SLC22A25: variants seen among roughly 807,000 people sequenced by gnomAD.
SLC22A25 encodes solute carrier family 22 member 25.
SLC22A25 carries 44 observed loss-of-function variants against 45.9 expected under a neutral mutation model. The observed-to-expected ratio is 0.96, with a 90% CI of 0.75 to 1.23. The LOEUF (loss-of-function observed/expected upper bound fraction) is 1.23. SLC22A25 is among the 50% of genes most tolerant of loss of function. The pLI, the probability that SLC22A25 is intolerant of heterozygous loss-of-function variation, is 0.00. For missense variants in SLC22A25, 800 were observed against 666.4 expected (o/e 1.20, Z -2.21); for synonymous variants, 283 against 238.6 (o/e 1.19, Z -1.72).
chr11:63,199,927 G>A (rs535920155), intron 7 of SLC22A25, among the ~76,000 whole-genome samples: 1 of 152,058 alleles, frequency 6.6e-6, no homozygotes, highest in Non-Finnish European at 1.5e-5. Context: ...ACCCAATCTT[G>A]CAAGATCACC....
intron 7 of SLC22A25, among the ~76,000 whole-genome samples, chr11:63,194,061 T>A (rs1205078194): frequency 6.6e-6 from 1 of 152,042 alleles, no homozygotes; most frequent in African/African-American, 2.4e-5. Context: ...AGAAAGGGTA[T>A]CAGTGATTGA....
intron 10 of SLC22A25, among the ~76,000 whole-genome samples, chr11:63,165,630 C>T (rs187916721): frequency 6.6e-6 from 1 of 152,246 alleles, no homozygotes; most frequent in African/African-American, 2.4e-5. Flanking sequence ...AGTACTTTGT[C>T]ACAGAAGCTG....
intron 7 of SLC22A25, among the ~76,000 whole-genome samples, chr11:63,215,347 C>T (rs999786789): frequency 6.6e-6 from 1 of 152,134 alleles, no homozygotes; most frequent in African/African-American, 2.4e-5. Flanking sequence ...AAACCAAACA[C>T]CACATATTCT....
rs539275838 is a variant in SLC22A25 at position 63,236,055 on chromosome 11, TG to T, written c.-445+1825del. ...GTGTGAGGTGTCAGTCCACCCCTAA[TG>T]GGGGGTGCCTCCCAGTTAGGCTACT... On this transcript the variant is annotated intron_variant, in intron 3 of 11. Coordinates refer to ENST00000306494, the MANE Select transcript of SLC22A25 (RefSeq NM_199352.6). Among the ~76,000 whole-genome samples the T allele has an allele frequency of 3.7e-3, 571 of 152,268 alleles. 1 individual carries two copies. The highest frequency in any genetic ancestry group is 0.013 in the African/African-American group (548 of 41,546).
chr11:63,189,365 T>C (rs1018053820), intron 7 of SLC22A25, among the ~76,000 whole-genome samples: 1 of 152,034 alleles, frequency 6.6e-6, no homozygotes, highest in South Asian at 2.1e-4. Context: ...CTAGGATTGC[T>C]ACCCCTGCTT....
At chr11:63,174,644 T>C (rs541895672) in intron 9 of SLC22A25, among the ~76,000 whole-genome samples, 22 of 152,130 alleles carry the variant, frequency 1.4e-4, no homozygotes, top group Non-Finnish European at 2.6e-4. Context: ...CCTATTTACT[T>C]TTTAAAACTG....
intron 9 of SLC22A25, among the ~76,000 whole-genome samples, chr11:63,173,243 G>A (rs1019198461): frequency 2.6e-5 from 4 of 151,988 alleles, no homozygotes; most frequent in African/African-American, 9.7e-5. Flanking sequence ...GGGTGGGAGA[G>A]CATTGGGACA....
chr11:63,235,716 G>A (rs2090151702), intron 3 of SLC22A25, among the ~76,000 whole-genome samples: 1 of 152,152 alleles, frequency 6.6e-6, no homozygotes, highest in South Asian at 2.1e-4. Flanking sequence ...GAGGAGAGGT[G>A]CTCTGATTTT....
At chr11:63,176,719 T>G (rs2088101365) in intron 9 of SLC22A25, among the ~76,000 whole-genome samples, 1 of 152,004 alleles carries the variant, frequency 6.6e-6, no homozygotes, top group Non-Finnish European at 1.5e-5. Flanking sequence ...CTAACTGCTC[T>G]GGTTAGCACT....
At chr11:63,191,389 A>G (rs554114676) in intron 7 of SLC22A25, among the ~76,000 whole-genome samples, 2 of 152,274 alleles carry the variant, frequency 1.3e-5, no homozygotes, top group Non-Finnish European at 2.9e-5. Context: ...TGCTAAGACC[A>G]TTGAAAAGCA....
In SLC22A25 at chr11:63,243,517, G is replaced by A. The variant is rs1007450832; in HGVS notation, c.-1079C>T. The A allele has an allele frequency of 7.9e-6, 6 of 761,566 alleles. No homozygotes were observed. The highest frequency in any genetic ancestry group is 4.6e-4 in the Middle Eastern group (2 of 4,320). 47.2% of individuals were successfully genotyped at this position (761,566 alleles called of 1,614,324 possible). ...CTGTCTGCATGTTCCTGGCCTCCAG[G>A]CTCAAAGAGTCCAGCCCACTGACTG... On this transcript the variant is annotated 5_prime_UTR_variant, in exon 1 of 12. Transcript: ENST00000306494.
chr11:63,235,464 C>T (rs939258145), intron 3 of SLC22A25, among the ~76,000 whole-genome samples: 5 of 152,168 alleles, frequency 3.3e-5, no homozygotes, highest in South Asian at 2.1e-4. Flanking sequence ...GCATTTGTCA[C>T]GTAGTTCTTG....
intron 5 of SLC22A25, among the ~76,000 whole-genome samples, chr11:63,220,619 AATC>A (rs2089831750): frequency 6.6e-6 from 1 of 152,240 alleles, no homozygotes; most frequent in African/African-American, 2.4e-5. Flanking sequence ...TGTTACAAAC[AATC>A]CAATTATACT....
In SLC22A25 at chr11:63,243,578, A is replaced by T. The variant is rs115033340; in HGVS notation, c.-1140T>A. 809 of 765,248 alleles carry T rather than the reference A, an allele frequency of 1.1e-3. 4 individuals are homozygous for T. The African/African-American group carries it at 0.012, about 12-fold the overall frequency. 47.4% of individuals were successfully genotyped at this position (765,248 alleles called of 1,614,324 possible). A position where few individuals can be genotyped will look rare whatever the true frequency, so the allele number is the denominator to read the frequency against. On this transcript the variant is annotated 5_prime_UTR_variant, in exon 1 of 12. Transcript: ENST00000306494. The stretch of plus-strand genomic sequence containing the variant: ...GTGCATTTATACCGACAACTCCATC[A>T]AGCCTCAGGAGCTGCTGGAGTGGGA...
At chr11:63,181,328 G>A (rs1470573615) in intron 8 of SLC22A25, among the ~76,000 whole-genome samples, 1 of 151,638 alleles carries the variant, frequency 6.6e-6, no homozygotes, top group Non-Finnish European at 1.5e-5. Context: ...TGCCATGTTG[G>A]TGTGCTGCAC....
chr11:63,240,839 G>T (rs935769940), intron 1 of SLC22A25, among the ~76,000 whole-genome samples: 3 of 152,152 alleles, frequency 2.0e-5, no homozygotes, highest in Non-Finnish European at 4.4e-5. Flanking sequence ...GCCTGTCTGT[G>T]TAAATGGTAC....
chr11:63,188,153 C>T (rs890033102), intron 7 of SLC22A25, among the ~76,000 whole-genome samples: 18 of 152,254 alleles, frequency 1.2e-4, no homozygotes, highest in South Asian at 2.1e-4. Context: ...TGGTAGAATT[C>T]GGCTGTGAAT....
At chr11:63,226,515 T>A (rs1479035762) in intron 5 of SLC22A25, among the ~76,000 whole-genome samples, 1 of 152,238 alleles carries the variant, frequency 6.6e-6, no homozygotes, top group East Asian at 1.9e-4. Flanking sequence ...CTCTCTGTTC[T>A]GAGCTGCTTG....
At chr11:63,227,774 G>A (rs956975723) in intron 5 of SLC22A25, among the ~76,000 whole-genome samples, 5 of 152,212 alleles carry the variant, frequency 3.3e-5, no homozygotes, top group African/African-American at 7.2e-5. Context: ...TGTTTAGGAC[G>A]AGAGCACTTT....
Sources: allele counts gnomAD v4.1 joint callset (sites outside exome capture counted in the v4.1 genomes callset), GRCh38; gene constraint gnomAD v4.1.1; transcripts MANE v1.5; gene names NCBI Gene and HGNC (gene_info 2026-07-23, HGNC 2026-07-21).